The following DST variants were observed in gnomAD, a reference collection of about 807,000 sequenced individuals.
The protein encoded by DST is bullous pemphigoid antigen.
DST carries 253 observed loss-of-function variants against 875.2 expected under a neutral mutation model. That is an observed-to-expected ratio of 0.29 (90% confidence interval 0.26 to 0.32). The LOEUF is 0.32. DST is among the 10% of genes least tolerant of loss of function. The pLI, the probability that DST is intolerant of heterozygous loss-of-function variation, is 1.00. For synonymous variants in DST, 3,124 were observed against 3,197.1 expected, an observed-to-expected ratio of 0.98 and a Z score of 0.77; for missense variants, 8,287 against 9,111.6, an observed-to-expected ratio of 0.91 and a Z score of 3.68.
intron 36 of DST, chr6:56,620,554 T>C: frequency 6.2e-7 from 1 of 1,614,068 alleles, no homozygotes; most frequent in East Asian, 2.2e-5. Flanking sequence ...CCTTCGGAAG[T>C]TCTTCCTCTA....
chr6:56,843,172 AC>A (rs766878903), intron 4 of DST: 1 of 1,540,390 alleles, frequency 6.5e-7, no homozygotes, highest in South Asian at 1.3e-5. Flanking sequence ...GCGATGACTG[AC>A]AAATTCCCCT....
At chr6:56,809,918 C>A (rs2099757875) in intron 4 of DST, among the ~76,000 whole-genome samples, 1 of 152,106 alleles carries the variant, frequency 6.6e-6, no homozygotes, top group Admixed American at 6.5e-5. Context: ...TTTTACCTAT[C>A]AGTATTACTT....
intron 4 of DST, among the ~76,000 whole-genome samples, chr6:56,849,841 C>G (rs1764153108): frequency 1.3e-5 from 2 of 152,176 alleles, no homozygotes; most frequent in Non-Finnish European, 2.9e-5. Flanking sequence ...CACCTTCTAC[C>G]TTCCAAAAAA....
At position 56,858,094 on chromosome 6, in the gene DST, G is replaced by T. The variant is rs189017546; in HGVS notation, c.418-6490C>A. ...TTAGGTAGTAAGTGTGGAAGAGGGG[G>T]TCTAGTGGTGAGGCCATTAGCTGGC... is the stretch of plus-strand genomic sequence containing the variant. On this transcript the variant is annotated intron_variant, in intron 3 of 103. Coordinates refer to ENST00000680361, the MANE Select transcript of DST (RefSeq NM_001374736.1). 2.0e-3 allele frequency among the ~76,000 whole-genome samples: 304 copies of T among 152,290 alleles called. 4 individuals are homozygous for T. The highest frequency in any genetic ancestry group is 0.017 in the Admixed American group (263 of 15,294).
intron 9 of DST, among the ~76,000 whole-genome samples, chr6:56,689,471 A>G (rs943662997): frequency 6.6e-6 from 1 of 152,198 alleles, no homozygotes; most frequent in Non-Finnish European, 1.5e-5. Context: ...TTTTAAAAAC[A>G]CACGAGCAGG....
intron 55 of DST, among the ~76,000 whole-genome samples, chr6:56,563,987 T>A (rs545631132): frequency 6.6e-6 from 1 of 152,184 alleles, no homozygotes; most frequent in Admixed American, 6.5e-5. Context: ...AGCCTTGTAG[T>A]ATAGTTTGAA....
intron 80 of DST, among the ~76,000 whole-genome samples, chr6:56,500,046 A>G (rs185655839): frequency 6.6e-6 from 1 of 152,276 alleles, no homozygotes; most frequent in Non-Finnish European, 1.5e-5. Context: ...TAGAAAAATA[A>G]AATTTTAAAC....
At chr6:56,893,565 T>TAAGGAATCTCCACACTG (rs1562313463) in intron 3 of DST, among the ~76,000 whole-genome samples, 334 of 107,314 alleles carry the variant, frequency 3.1e-3, no homozygotes, top group African/African-American at 5.6e-3. Flanking sequence ...TTTAGTTCTT[T>TAAGGAATCTCCACACTG]TTTTTTTTTT....
At chr6:56,593,025 T>C (rs1408026973) in intron 48 of DST, among the ~76,000 whole-genome samples, 2 of 152,146 alleles carry the variant, frequency 1.3e-5, no homozygotes, top group African/African-American at 2.4e-5. Flanking sequence ...TAATCTGAGA[T>C]GAAACCAGTT....
chr6:56,787,560 T>C (rs140153749), intron 4 of DST, among the ~76,000 whole-genome samples: 1 of 152,172 alleles, frequency 6.6e-6, no homozygotes, highest in Non-Finnish European at 1.5e-5. Flanking sequence ...TGGACAAATA[T>C]GAAATTGTAA....
intron 4 of DST, among the ~76,000 whole-genome samples, chr6:56,833,626 C>T (rs2099790044): frequency 6.6e-6 from 1 of 151,994 alleles, no homozygotes. Context: ...ATATTAGATA[C>T]ACCAAAGCAA....
chr6:56,686,891 C>T (rs1269345425), intron 9 of DST, among the ~76,000 whole-genome samples: 2 of 152,194 alleles, frequency 1.3e-5, no homozygotes, highest in Non-Finnish European at 2.9e-5. Context: ...TTTTCACATA[C>T]GTGACCTCGT....
chr6:56,481,934 T>A, intron 90 of DST, 116 bp downstream of exon 90: 14 of 1,163,476 alleles, frequency 1.2e-5, no homozygotes, highest in Non-Finnish European at 1.7e-5. Context: ...GTATCAGGTG[T>A]TTAAGTATTT....
At chr6:56,623,527 T>C (rs1248665711) in intron 36 of DST, among the ~76,000 whole-genome samples, 1 of 152,180 alleles carries the variant, frequency 6.6e-6, no homozygotes, top group East Asian at 1.9e-4. Context: ...AGAAAACTGT[T>C]AACTCTGAAC....
Position 56,616,502 on chromosome 6 carries a change from G to A in DST, c.4930-2018C>T, listed in dbSNP as rs2098623875. 2.5e-6 allele frequency: 4 copies of A among 1,613,984 alleles called. No homozygotes were observed. Among genetic ancestry groups the A allele is most frequent in the Non-Finnish European group, 3.4e-6 (4 of 1,180,004 alleles). On this transcript the variant is annotated intron_variant, in intron 36 of 103. Coordinates refer to ENST00000680361, the MANE Select transcript of DST (RefSeq NM_001374736.1). ...ATTGGAAATGTTCCTCTCCCCAAAT[G>A]GAAACAGAAAGCATTGGGACTCTAC...
chr6:56,483,527 C>CTTTTTTTTTTTTTTTTT (rs138042978), intron 88 of DST: 1 of 60,040 alleles, frequency 1.7e-5, no homozygotes, highest in East Asian at 9.5e-4. Context: ...TCTGGGTTTG[C>CTTTTTTTTTTTTTTTTT]TTTTTTTTTT....
intron 54 of DST, 81 bp from the exon 55 acceptor site, chr6:56,568,676 T>A (rs901969472): frequency 2.4e-6 from 3 of 1,237,182 alleles, no homozygotes; most frequent in Non-Finnish European, 3.3e-6. Flanking sequence ...TAAACATATC[T>A]TAAAGTAGTA....
chr6:56,560,370 G>A lies in DST; in HGVS notation c.14364C>T (p.Asp4788=), dbSNP rs753045962. ...TCTCCTCCAACAGCTCTGTCAATTT[G>A]TCTTTCAACTCCTGTACTTTGTTTA... ...QNVNKVQELK[D]KLTELLEENP... is the part of the protein sequence containing the mutation. The change falls in exon 58 of 104, where the codon GAC becomes GAT. Residue 4788 remains aspartate, a synonymous_variant. Transcript: ENST00000680361. 1 of 1,607,896 alleles carries A rather than the reference G, an allele frequency of 6.2e-7. No individual in the cohort carries two copies. The highest frequency in any genetic ancestry group is 2.2e-5 in the East Asian group (1 of 44,766).
At chr6:56,467,669 A>G (rs978739221) in intron 98 of DST, among the ~76,000 whole-genome samples, 1 of 152,200 alleles carries the variant, frequency 6.6e-6, no homozygotes, top group African/African-American at 2.4e-5. Flanking sequence ...AACAAAAGTT[A>G]TAAGGAAATA....
Sources: gnomAD v4.1 joint callset for allele counts (sites outside exome capture counted in the v4.1 genomes callset) on GRCh38, gnomAD v4.1.1 for gene constraint, MANE v1.5 for transcripts, NCBI Gene and HGNC (gene_info 2026-07-23, HGNC 2026-07-21) for gene names.